The following DAB1 variants were observed in gnomAD, a reference collection of about 807,000 sequenced individuals.
The protein encoded by DAB1 is disabled homolog 1.
Under a neutral mutation model 64.6 loss-of-function variants are expected in DAB1, and 15 were observed. The observed-to-expected ratio is 0.23, with a 90% CI of 0.16 to 0.36. DAB1 has a LOEUF of 0.36. DAB1 is among the 10% of genes least tolerant of loss of function. The pLI, the probability that DAB1 is intolerant of heterozygous loss-of-function variation, is 1.00. For missense variants in DAB1, 596 were observed against 706.7 expected, an observed-to-expected ratio of 0.84 and a Z score of 1.78; for synonymous variants, 235 against 251.9, an observed-to-expected ratio of 0.93 and a Z score of 0.64.
intron 5 of DAB1, among the ~76,000 whole-genome samples, chr1:57,931,504 T>C (rs1644952873): frequency 6.6e-6 from 1 of 152,222 alleles, no homozygotes; most frequent in Non-Finnish European, 1.5e-5. Flanking sequence ...TTTCGCAAGG[T>C]TATTGTTGAT....
chr1:57,009,603 A>C (rs750414214), intron 14 of DAB1, among the ~76,000 whole-genome samples: 1 of 152,170 alleles, frequency 6.6e-6, no homozygotes. Flanking sequence ...AAAACTGTTT[A>C]CCATTTTAAT....
chr1:58,117,867 TA>T (rs1382856876), intron 5 of DAB1, among the ~76,000 whole-genome samples: 5 of 151,240 alleles, frequency 3.3e-5, no homozygotes, highest in East Asian at 2.0e-4. Context: ...TTTTTTTTAA[TA>T]TTTTTTTTCT....
intron 2 of DAB1, among the ~76,000 whole-genome samples, chr1:57,200,954 C>A (rs1665046579): frequency 6.6e-6 from 1 of 152,198 alleles, no homozygotes; most frequent in Non-Finnish European, 1.5e-5. Context: ...GGCAGGTCTA[C>A]TAGGCATGCA....
At chr1:58,528,307 C>G (rs1008054720) in intron 1 of DAB1, among the ~76,000 whole-genome samples, 4 of 151,994 alleles carry the variant, frequency 2.6e-5, no homozygotes, top group African/African-American at 9.7e-5. Flanking sequence ...TATTGTTAAC[C>G]CTGAGCTAAT....
At chr1:57,680,566 C>T (rs1055586343) in intron 6 of DAB1, among the ~76,000 whole-genome samples, 2 of 152,178 alleles carry the variant, frequency 1.3e-5, no homozygotes, top group East Asian at 1.9e-4. Flanking sequence ...TATCACATCA[C>T]TTCATCACTC....
At chr1:57,851,005 A>G (rs536824763) in intron 1 of DAB1, among the ~76,000 whole-genome samples, 12 of 152,280 alleles carry the variant, frequency 7.9e-5, no homozygotes, top group Admixed American at 2.6e-4. Flanking sequence ...TCAAGACCCA[A>G]TCAATTCCAA....
At chr1:57,752,239 A>C (rs1348755830) in intron 6 of DAB1, among the ~76,000 whole-genome samples, 1 of 152,112 alleles carries the variant, frequency 6.6e-6, no homozygotes, top group Non-Finnish European at 1.5e-5. Context: ...CCTTGCTTTC[A>C]TTTTCTTGGC....
At chr1:58,466,176 C>T (rs942965727) in intron 3 of DAB1, among the ~76,000 whole-genome samples, 4 of 152,134 alleles carry the variant, frequency 2.6e-5, no homozygotes, top group Admixed American at 1.3e-4. Context: ...AAGGGCCCTT[C>T]CTGGAGACGT....
chr1:57,252,801 G>C (rs1226978134), intron 2 of DAB1, among the ~76,000 whole-genome samples: 1 of 152,162 alleles, frequency 6.6e-6, no homozygotes, highest in African/African-American at 2.4e-5. Flanking sequence ...GGGATGGCTG[G>C]AGTACAGTTA....
At chr1:57,097,978 C>T (rs992387904) in intron 4 of DAB1, among the ~76,000 whole-genome samples, 7 of 152,084 alleles carry the variant, frequency 4.6e-5, no homozygotes, top group Admixed American at 1.3e-4. Flanking sequence ...GGGGTTTCAC[C>T]GTGTTAGCCA....
intron 5 of DAB1, among the ~76,000 whole-genome samples, chr1:57,924,465 CATTT>C (rs1644851053): frequency 6.6e-6 from 1 of 151,638 alleles, no homozygotes; most frequent in South Asian, 2.1e-4. Context: ...CATTTTTTTT[CATTT>C]ATTTATTTTT....
chr1:57,512,048 G>A (rs1261979234), intron 7 of DAB1, among the ~76,000 whole-genome samples: 1 of 152,136 alleles, frequency 6.6e-6, no homozygotes, highest in Non-Finnish European at 1.5e-5. Flanking sequence ...TAGAAACTAT[G>A]TCCTCCATTT....
chr1:58,172,895 G>C (rs1162841299), intron 4 of DAB1, among the ~76,000 whole-genome samples: 1 of 152,234 alleles, frequency 6.6e-6, no homozygotes, highest in African/African-American at 2.4e-5. Flanking sequence ...TGCCCATGCT[G>C]CAATATGGAA....
chr1:58,493,492 T>C (rs954780841), intron 3 of DAB1, among the ~76,000 whole-genome samples: 80 of 151,738 alleles, frequency 5.3e-4, no homozygotes, highest in African/African-American at 1.6e-3. Flanking sequence ...TGTTTGCAGA[T>C]GACATGATTG....
At chr1:57,553,477 G>GAAAGAGA in intron 7 of DAB1, among the ~76,000 whole-genome samples, 1 of 67,592 alleles carries the variant, frequency 1.5e-5, no homozygotes, top group South Asian at 8.4e-4. Context: ...GGAAAGAAAG[G>GAAAGAGA]AAGGAAGGAA....
intron 3 of DAB1, among the ~76,000 whole-genome samples, chr1:58,415,968 G>C (rs766705477): frequency 1.7e-4 from 26 of 152,202 alleles, no homozygotes; most frequent in Non-Finnish European, 3.7e-4. Context: ...CAACACGAGT[G>C]ATGTGCTTAG....
At chr1:57,990,396 A>T (rs2100372143) in intron 5 of DAB1, among the ~76,000 whole-genome samples, 2 of 152,312 alleles carry the variant, frequency 1.3e-5, no homozygotes, top group Admixed American at 1.3e-4. Flanking sequence ...ACTTGATTTA[A>T]TTTATCCCCA....
chr1:57,224,881 T>G (rs1052940939), intron 2 of DAB1, among the ~76,000 whole-genome samples: 5 of 152,214 alleles, frequency 3.3e-5, no homozygotes, highest in African/African-American at 1.2e-4. Context: ...CCCCCAGACC[T>G]CTGAGGAGAT....
At chr1:57,214,825 A>G (rs975406934) in intron 2 of DAB1, among the ~76,000 whole-genome samples, 2 of 144,698 alleles carry the variant, frequency 1.4e-5, no homozygotes, top group Non-Finnish European at 3.0e-5. Flanking sequence ...GCAGGAGAAT[A>G]GCGTGAACCC....
Sources: gnomAD v4.1 joint callset for allele counts (sites outside exome capture counted in the v4.1 genomes callset) on GRCh38, gnomAD v4.1.1 for gene constraint, MANE v1.5 for transcripts, NCBI Gene and HGNC (gene_info 2026-07-23, HGNC 2026-07-21) for gene names.